The following SHROOM3 variants were observed in gnomAD, a reference collection of about 807,000 sequenced individuals.
SHROOM3 encodes protein Shroom3.
SHROOM3 carries 47 observed loss-of-function variants against 138.6 expected under a neutral mutation model. The ratio of observed to expected loss-of-function variants is 0.34; its 90% CI spans 0.27 to 0.43. The LOEUF (loss-of-function observed/expected upper bound fraction) is 0.43. SHROOM3 is among the 20% of genes least tolerant of loss of function. The pLI is 1.00. For missense variants in SHROOM3, 2,491 were observed against 2,596.5 expected (o/e 0.96, Z 0.88); for synonymous variants, 1,062 against 1,063.3 (o/e 1.00, Z 0.02).
chr4:76,454,726 A>G (rs549362589), intron 1 of SHROOM3, among the ~76,000 whole-genome samples: 2 of 152,184 alleles, frequency 1.3e-5, no homozygotes, highest in South Asian at 4.1e-4. Context: ...TTTGATGGAG[A>G]TTACATTGAA....
chr4:76,447,222 G>T (rs1009333660), intron 1 of SHROOM3, among the ~76,000 whole-genome samples: 7 of 152,240 alleles, frequency 4.6e-5, no homozygotes, highest in African/African-American at 1.7e-4. Context: ...AATTTAAGTG[G>T]AAATAAGCAT....
intron 1 of SHROOM3, chr4:76,509,216 T>G (rs1292030994): frequency 6.6e-6 from 1 of 152,038 alleles, no homozygotes. Flanking sequence ...TTTTAAAATT[T>G]CATTTTCAGA....
intron 1 of SHROOM3, among the ~76,000 whole-genome samples, chr4:76,443,604 G>A (rs1332208409): frequency 6.6e-6 from 1 of 152,178 alleles, no homozygotes; most frequent in African/African-American, 2.4e-5. Context: ...CATCTCTTGT[G>A]CTCTGACATC....
At chr4:76,701,835 T>G (rs186109561) in intron 2 of SHROOM3, among the ~76,000 whole-genome samples, 2 of 152,310 alleles carry the variant, frequency 1.3e-5, no homozygotes, top group Non-Finnish European at 2.9e-5. Flanking sequence ...TGCCCACATA[T>G]GCTCTCAGGA....
At chr4:76,476,375 C>G (rs1285672110) in intron 1 of SHROOM3, among the ~76,000 whole-genome samples, 1 of 152,108 alleles carries the variant, frequency 6.6e-6, no homozygotes, top group Non-Finnish European at 1.5e-5. Context: ...CAAGGTCTGG[C>G]CTATGATATG....
At chr4:76,626,641 C>G (rs947612585) in intron 2 of SHROOM3, among the ~76,000 whole-genome samples, 2 of 152,176 alleles carry the variant, frequency 1.3e-5, no homozygotes, top group Non-Finnish European at 2.9e-5. Context: ...TTATTTGCAT[C>G]ATCTCTGATC....
chr4:76,740,902 C>T lies in SHROOM3; in HGVS notation c.2729C>T (p.Ser910Leu). The part of the protein sequence containing the change: ...REPEWRDRPG[S>L]PESPLLDAPF... ...CCCGAGTGGCGGGACAGGCCCGGCT[C>T]GCCCGAATCGCCCCTGCTGGATGCC... Residue 910 changes from serine to leucine, a missense_variant, in exon 5 of 11, where the codon TCG becomes TTG. Transcript: ENST00000296043. This position sits in a 1 kb window ranked among gnomAD's most constrained non-coding sequence, Gnocchi z 4.0. 2.0e-6 allele frequency: 3 copies of T among 1,504,130 alleles called. No individual in the cohort carries two copies. The highest frequency in any genetic ancestry group is 2.7e-6 in the Non-Finnish European group (3 of 1,130,098). The allele number at this position is 1,504,130 out of a possible 1,614,324, so 93.2% of individuals were successfully genotyped here. A position where few individuals can be genotyped will look rare whatever the true frequency, so the allele number is the denominator to read the frequency against.
intron 1 of SHROOM3, among the ~76,000 whole-genome samples, chr4:76,517,339 T>C (rs1022472602): frequency 2.0e-5 from 3 of 152,042 alleles, no homozygotes; most frequent in Non-Finnish European, 4.4e-5. Context: ...AAAGATACAG[T>C]GTCTAAAAAA....
At chr4:76,478,307 A>AT (rs1204322081) in intron 1 of SHROOM3, among the ~76,000 whole-genome samples, 2 of 152,286 alleles carry the variant, frequency 1.3e-5, no homozygotes, top group African/African-American at 4.8e-5. Context: ...GGCATCCGCC[A>AT]TTACCAAGGC....
rs116596605 is a variant in SHROOM3 at position 76,554,785 on chromosome 4, G to A, written c.169-824G>A. On this transcript the variant is annotated intron_variant, in intron 1 of 10. Transcript: ENST00000296043. ...AGGCCACGGACCATTACAGTGGTCTGTTAGCAACCAGGCCGCACAGTAGGA... is the reference window on the plus strand; with the variant it reads ...AGGCCACGGACCATTACAGTGGTCTATTAGCAACCAGGCCGCACAGTAGGA... 3.7e-3 allele frequency among the ~76,000 whole-genome samples: 556 copies of A among 152,204 alleles called. 1 individual carries two copies. The highest frequency in any genetic ancestry group is 0.013 in the African/African-American group (539 of 41,524).
At chr4:76,483,509 G>A (rs1731661878) in intron 1 of SHROOM3, among the ~76,000 whole-genome samples, 1 of 152,224 alleles carries the variant, frequency 6.6e-6, no homozygotes, top group Admixed American at 6.5e-5. Context: ...AGGTGCTGGA[G>A]AGGATGTGGA....
chr4:76,582,495 G>GA (rs2110044293), intron 2 of SHROOM3, among the ~76,000 whole-genome samples: 1 of 152,264 alleles, frequency 6.6e-6, no homozygotes, highest in East Asian at 1.9e-4. Context: ...AATCATTAAG[G>GA]AAAAAGACCA....
In SHROOM3 at chr4:76,741,428, C is replaced by A; in HGVS notation, c.3255C>A (p.Ala1085=). ...GPELKQFQQS[A]LADYIQRKTG... Reference sequence around the variant, plus strand: ...AGCTGAAGCAGTTCCAGCAGAGCGCCCTGGCGGACTACATCCAGCGCAAGA... The same window carrying A: ...AGCTGAAGCAGTTCCAGCAGAGCGCACTGGCGGACTACATCCAGCGCAAGA... Residue 1085 remains alanine, a synonymous_variant, in exon 5 of 11, where the codon GCC becomes GCA. Transcript: ENST00000296043. The surrounding 1 kb of genome is among the most constrained non-coding windows in gnomAD (Gnocchi z 6.2). The A allele has an allele frequency of 6.3e-7, 1 of 1,592,568 alleles. No individual in the cohort carries two copies. The highest frequency in any genetic ancestry group is 8.5e-7 in the Non-Finnish European group (1 of 1,170,918).
intron 1 of SHROOM3, among the ~76,000 whole-genome samples, chr4:76,545,750 A>G (rs1733203037): frequency 6.6e-6 from 1 of 152,168 alleles, no homozygotes; most frequent in African/African-American, 2.4e-5. Context: ...TGTTCATGCA[A>G]TCCTTACACC....
rs1164802949 is a variant in SHROOM3, at chr4:76,752,960, AAC to A, written c.3828-1349_3828-1348del. Among the ~76,000 whole-genome samples the A allele has an allele frequency of 2.0e-5, 3 of 152,332 alleles. No homozygotes were observed. In the East Asian group the frequency reaches 5.8e-4, roughly 29 times the overall value. On this transcript the variant is annotated intron_variant, in intron 6 of 10. Coordinates refer to ENST00000296043, the MANE Select transcript of SHROOM3 (RefSeq NM_020859.4). ...CCTGTTAAAGGATGCTGGGTTTAAA[AAC>A]AGTTTGTATGCTACAGTCTGGAGAG...
chr4:76,510,508 G>T (rs960115898), intron 1 of SHROOM3, among the ~76,000 whole-genome samples: 3 of 152,142 alleles, frequency 2.0e-5, no homozygotes, highest in African/African-American at 4.8e-5. Context: ...GCCTTATAGG[G>T]TTACTGAAAG....
At chr4:76,768,581 G>T (rs1488533903) in intron 9 of SHROOM3, among the ~76,000 whole-genome samples, 2 of 152,136 alleles carry the variant, frequency 1.3e-5, no homozygotes, top group East Asian at 3.8e-4. Context: ...TGTGATCTAG[G>T]CTCACTGCAA....
intron 2 of SHROOM3, chr4:76,586,490 C>T: frequency 1.0e-6 from 1 of 981,544 alleles, no homozygotes; most frequent in Non-Finnish European, 1.2e-6. Flanking sequence ...TTTAAACCAA[C>T]GATTTCTCGA....
intron 1 of SHROOM3, among the ~76,000 whole-genome samples, chr4:76,500,064 A>G (rs756852237): frequency 1.3e-5 from 2 of 152,188 alleles, no homozygotes; most frequent in Non-Finnish European, 2.9e-5. Context: ...ACAGCTGGTA[A>G]GCAGTACCAA....
Sources: gnomAD v4.1 joint callset for allele counts (sites outside exome capture counted in the v4.1 genomes callset) on GRCh38, gnomAD v4.1.1 for gene constraint, Gnocchi (gnomAD v3.1) non-coding constraint, MANE v1.5 for transcripts, NCBI Gene and HGNC (gene_info 2026-07-23, HGNC 2026-07-21) for gene names.